Variants in RBFOX1 observed in about 807,000 individuals in gnomAD.
The protein encoded by RBFOX1 is RNA binding protein fox-1 homolog 1.
RBFOX1 carries 8 observed loss-of-function variants against 57.7 expected under a neutral mutation model. The observed-to-expected ratio is 0.14, with a 90% CI of 0.08 to 0.25. The LOEUF (loss-of-function observed/expected upper bound fraction) is 0.25. Ranked by LOEUF, RBFOX1 falls within the 10% of genes least tolerant of loss-of-function variation. RBFOX1 has a pLI of 1.00. For missense variants in RBFOX1, 611 were observed against 548.5 expected, an observed-to-expected ratio of 1.11 and a Z score of -1.14; for synonymous variants, 326 against 222.4, an observed-to-expected ratio of 1.47 and a Z score of -4.15.
chr16:6,992,218 C>T lies in RBFOX1; in HGVS notation c.-15-59839C>T, dbSNP rs143920662. ...TCACTCTGTTGCACAGGCTGGAGTG[C>T]AGTGGTGCAATCTCGGCTTACTGCA... On this transcript the variant is annotated intron_variant, in intron 3 of 15. Transcript: ENST00000550418. Among the ~76,000 whole-genome samples the T allele has an allele frequency of 9.1e-3, 1,376 of 150,558 alleles. 31 individuals carry two copies. The highest frequency in any genetic ancestry group is 0.032 in the African/African-American group (1,308 of 40,994).
intron 4 of RBFOX1, among the ~76,000 whole-genome samples, chr16:7,267,388 T>C (rs540377337): frequency 1.3e-5 from 2 of 150,284 alleles, no homozygotes; most frequent in Non-Finnish European, 3.0e-5. Context: ...TATAAAAAAT[T>C]AGTCAGATGT....
At chr16:6,808,404 T>C (rs1310572511) in intron 3 of RBFOX1, among the ~76,000 whole-genome samples, 5 of 152,104 alleles carry the variant, frequency 3.3e-5, no homozygotes, top group Non-Finnish European at 5.9e-5. Flanking sequence ...TTAAGTGCTA[T>C]GGAAGCAGAG....
intron 1 of RBFOX1, among the ~76,000 whole-genome samples, chr16:5,272,113 C>T (rs2063026060): frequency 1.3e-5 from 2 of 152,096 alleles, no homozygotes; most frequent in Admixed American, 1.3e-4. Flanking sequence ...TTGGTCTGTA[C>T]CCAGAAGTTG....
chr16:5,886,016 A>G (rs561394424), intron 4 of RBFOX1, among the ~76,000 whole-genome samples: 1 of 152,048 alleles, frequency 6.6e-6, no homozygotes, highest in East Asian at 1.9e-4. Flanking sequence ...GGTTGTTTAA[A>G]CGTGGGTAAC....
chr16:5,886,289 G>A (rs1055177024), intron 4 of RBFOX1, among the ~76,000 whole-genome samples: 2 of 152,168 alleles, frequency 1.3e-5, no homozygotes, highest in African/African-American at 4.8e-5. Flanking sequence ...GTCCTTATCT[G>A]TAAAACAGAG....
chr16:6,200,137 G>A (rs1176614648), intron 1 of RBFOX1, among the ~76,000 whole-genome samples: 1 of 152,074 alleles, frequency 6.6e-6, no homozygotes, highest in African/African-American at 2.4e-5. Flanking sequence ...GTTATCTCAG[G>A]GAACACCTTG....
rs1056897402 is a variant in RBFOX1 at position 7,083,675 on chromosome 16, T to A, written c.27+31577T>A. Among the ~76,000 whole-genome samples the A allele has an allele frequency of 2.7e-4, 41 of 152,174 alleles. 1 individual carries two copies. The highest frequency in any genetic ancestry group is 9.9e-4 in the African/African-American group (41 of 41,460). ...AATTTTAAATCCAGATTCTTATCCC[T>A]ATCAGGCAAAATGTTCACTTTCAGC... On this transcript the variant is annotated intron_variant, in intron 4 of 15. Transcript: ENST00000550418.
chr16:6,012,538 C>T (rs1156261555), intron 4 of RBFOX1, among the ~76,000 whole-genome samples: 1 of 152,188 alleles, frequency 6.6e-6, no homozygotes. Context: ...AGTCCCTCCA[C>T]AGCAAAGGGT....
intron 3 of RBFOX1, among the ~76,000 whole-genome samples, chr16:6,688,114 G>A (rs2059704047): frequency 6.6e-6 from 1 of 152,024 alleles, no homozygotes; most frequent in Non-Finnish European, 1.5e-5. Context: ...ATTGGCTCCG[G>A]GTTCAGCAGG....
At chr16:6,756,740 G>C (rs1373134183) in intron 3 of RBFOX1, among the ~76,000 whole-genome samples, 1 of 152,142 alleles carries the variant, frequency 6.6e-6, no homozygotes, top group Non-Finnish European at 1.5e-5. Flanking sequence ...GGGAGGCTGA[G>C]GCAGGGGGGT....
chr16:5,783,767 G>A (rs2054403653), intron 3 of RBFOX1, among the ~76,000 whole-genome samples: 2 of 152,090 alleles, frequency 1.3e-5, no homozygotes, highest in African/African-American at 4.8e-5. Flanking sequence ...CCCTTGTCAC[G>A]AAGAGGCAGG....
intron 3 of RBFOX1, among the ~76,000 whole-genome samples, chr16:6,843,020 C>A (rs1211873028): frequency 5.9e-5 from 9 of 152,054 alleles, no homozygotes; most frequent in African/African-American, 1.9e-4. Context: ...TTTATGGCTG[C>A]CTAGTATTCC....
chr16:6,387,788 T>TTAGACCTTTTGACTTCCA (rs2092377316), intron 2 of RBFOX1, among the ~76,000 whole-genome samples: 1 of 152,060 alleles, frequency 6.6e-6, no homozygotes, highest in South Asian at 2.1e-4. Flanking sequence ...TTTTTCCCTC[T>TTAGACCTTTTGACTTCCA]GGTGATCATT....
intron 3 of RBFOX1, among the ~76,000 whole-genome samples, chr16:5,821,984 C>A (rs1158078597): frequency 6.6e-6 from 1 of 152,170 alleles, no homozygotes; most frequent in East Asian, 1.9e-4. Context: ...GGAGGGGACA[C>A]AAACATTCAG....
intron 4 of RBFOX1, among the ~76,000 whole-genome samples, chr16:7,077,697 C>T (rs1167846518): frequency 6.6e-6 from 1 of 152,114 alleles, no homozygotes; most frequent in African/African-American, 2.4e-5. Context: ...TTATATCTGT[C>T]GGGTTGATAG....
chr16:6,553,834 CA>C (rs1487882294), intron 2 of RBFOX1, among the ~76,000 whole-genome samples: 1 of 152,070 alleles, frequency 6.6e-6, no homozygotes, highest in Non-Finnish European at 1.5e-5. Flanking sequence ...TGGATGGTGC[CA>C]AATCTCATCA....
At chr16:6,785,495 C>T (rs1010495319) in intron 3 of RBFOX1, among the ~76,000 whole-genome samples, 5 of 152,278 alleles carry the variant, frequency 3.3e-5, no homozygotes, top group African/African-American at 9.6e-5. Flanking sequence ...ATCTGGGCAA[C>T]ACCTTTCCAT....
At chr16:5,375,362 CTG>C (rs1253976849) in intron 1 of RBFOX1, among the ~76,000 whole-genome samples, 1 of 152,176 alleles carries the variant, frequency 6.6e-6, no homozygotes, top group Non-Finnish European at 1.5e-5. Context: ...GGAAAGGAAA[CTG>C]TGGCTGCAGC....
At chr16:5,907,398 G>C (rs1370383135) in intron 4 of RBFOX1, among the ~76,000 whole-genome samples, 1 of 152,020 alleles carries the variant, frequency 6.6e-6, no homozygotes, top group Non-Finnish European at 1.5e-5. Flanking sequence ...CATTCTCCCA[G>C]AGTCATGCTG....
Sources: gnomAD v4.1 joint callset for allele counts (sites outside exome capture counted in the v4.1 genomes callset) on GRCh38, gnomAD v4.1.1 for gene constraint, MANE v1.5 for transcripts, NCBI Gene and HGNC (gene_info 2026-07-23, HGNC 2026-07-21) for gene names.